The following ADAM7 variants were observed in gnomAD, a reference collection of about 807,000 sequenced individuals.
ADAM7 encodes the protein ADAM metallopeptidase domain 7.
Under a neutral mutation model 102.9 loss-of-function variants are expected in ADAM7, and 97 were observed. The observed-to-expected ratio is 0.94, with a 90% CI of 0.80 to 1.12. ADAM7 has a LOEUF of 1.12. Ranked by LOEUF, ADAM7 falls within the 50% of genes most tolerant of loss-of-function variation. The pLI, the probability that ADAM7 is intolerant of heterozygous loss-of-function variation, is 0.00. For synonymous variants in ADAM7, 334 were observed against 304.4 expected (o/e 1.10, Z -1.01); for missense variants, 991 against 908.7 (o/e 1.09, Z -1.16).
At chr8:24,452,524 T>C (rs1818838211) in intron 3 of ADAM7, among the ~76,000 whole-genome samples, 1 of 152,054 alleles carries the variant, frequency 6.6e-6, no homozygotes, top group African/African-American at 2.4e-5. Context: ...TCTATCCTTT[T>C]ATTTTGAGCC....
chr8:24,482,421 C>A (rs548148422), intron 9 of ADAM7, 110 bp downstream of exon 9: 208 of 1,062,812 alleles, frequency 2.0e-4, no homozygotes, highest in Non-Finnish European at 2.7e-4. Flanking sequence ...TTTTGGGTAG[C>A]ACACAGGGAC....
chr8:24,462,008 A>T (rs1284947952), intron 3 of ADAM7, among the ~76,000 whole-genome samples: 1 of 152,228 alleles, frequency 6.6e-6, no homozygotes, highest in Non-Finnish European at 1.5e-5. Context: ...TCTTGACGAT[A>T]GTTCAATGTT....
intron 20 of ADAM7, among the ~76,000 whole-genome samples, chr8:24,502,526 T>C (rs931830865): frequency 1.1e-4 from 16 of 151,992 alleles, no homozygotes; most frequent in African/African-American, 3.9e-4. Context: ...AGTTAGTACA[T>C]ATTATTAACA....
chr8:24,487,292 A>T lies in ADAM7; in HGVS notation c.1066A>T (p.Lys356Ter). 2 of 1,613,806 alleles carry T rather than the reference A, an allele frequency of 1.2e-6. No homozygotes were observed. Among genetic ancestry groups the T allele is most frequent in the Non-Finnish European group, 1.7e-6 (2 of 1,179,800 alleles). Reference sequence around the variant, plus strand: ...GTTCCCATGCACCTGTCCTTCAGGAAAATGCGTGATGGACAGTGATGGAAG... The same window carrying T: ...GTTCCCATGCACCTGTCCTTCAGGATAATGCGTGATGGACAGTGATGGAAG... Reference protein sequence around the residue: ...DEFPCTCPSGKCVMDSDGSIP... With the variant: ...DEFPCTCPSG The change falls in exon 11 of 22, where the codon AAA (lysine) becomes TAA (stop). Residue 356 changes from lysine (K) to a stop codon, truncating the protein, a stop_gained. Coordinates refer to ENST00000175238, the MANE Select transcript of ADAM7 (RefSeq NM_003817.4). LOFTEE classifies it high-confidence loss of function.
intron 8 of ADAM7, 135 bp from the exon 9 acceptor site, chr8:24,482,007 G>A: frequency 5.3e-6 from 3 of 568,892 alleles, no homozygotes; most frequent in Non-Finnish European, 8.7e-6. Flanking sequence ...TTTGCAACAT[G>A]AGGCTTGCAC....
At chr8:24,452,679 T>C (rs1427963840) in intron 3 of ADAM7, among the ~76,000 whole-genome samples, 3 of 150,844 alleles carry the variant, frequency 2.0e-5, no homozygotes, top group Admixed American at 1.3e-4. Flanking sequence ...ATGTGTGAAT[T>C]TGATCCTGTC....
At chr8:24,450,339 G>A (rs1311451358) in intron 3 of ADAM7, among the ~76,000 whole-genome samples, 1 of 152,126 alleles carries the variant, frequency 6.6e-6, no homozygotes. Flanking sequence ...GCAATAGTTT[G>A]TAGTTCTCCT....
chr8:24,506,188 G>C, intron 20 of ADAM7: 1 of 1,458,948 alleles, frequency 6.9e-7, no homozygotes, highest in Non-Finnish European at 9.3e-7. Flanking sequence ...CTTGGTGGTG[G>C]GCTATGTCCT....
intron 17 of ADAM7, among the ~76,000 whole-genome samples, chr8:24,499,797 TAC>T (rs35010933): frequency 0.25 from 37,176 of 148,020 alleles, 4,930 homozygotes; most frequent in Non-Finnish European, 0.3. Context: ...TATATAGTAA[TAC>T]ACACACACAC....
chr8:24,443,938 TA>T lies in ADAM7; in HGVS notation c.156+1367del, dbSNP rs869122591. Among the ~76,000 whole-genome samples the T allele has an allele frequency of 3.6e-3, 363 of 100,632 alleles. 1 individual carries two copies. Among genetic ancestry groups the T allele is most frequent in the African/African-American group, 0.015 (355 of 23,984 alleles). 66.0% of individuals were successfully genotyped at this position (100,632 alleles called of 152,430 possible). Reference sequence around the variant, plus strand: ...AACAGAGCAAGACTCTCTCAAAAAATAAAAATAAAATAAAATAAAATAAAAT... The same window carrying T: ...AACAGAGCAAGACTCTCTCAAAAAATAAAATAAAATAAAATAAAATAAAAT... On this transcript the variant is annotated intron_variant, in intron 2 of 21. Coordinates refer to ENST00000175238, the MANE Select transcript of ADAM7 (RefSeq NM_003817.4).
chr8:24,474,238 T>G (rs955942712), intron 7 of ADAM7, among the ~76,000 whole-genome samples: 2 of 152,170 alleles, frequency 1.3e-5, no homozygotes, highest in African/African-American at 4.8e-5. Flanking sequence ...AATTAGTAAG[T>G]TCTAAGCACT....
intron 8 of ADAM7, among the ~76,000 whole-genome samples, chr8:24,478,759 A>G (rs1363900749): frequency 2.0e-5 from 3 of 152,108 alleles, no homozygotes; most frequent in Non-Finnish European, 4.4e-5. Flanking sequence ...TTTTCTCTCC[A>G]ACAGTGGGTT....
chr8:24,490,962 AC>A, intron 13 of ADAM7, 74 bp downstream of exon 13: 1 of 1,464,150 alleles, frequency 6.8e-7, no homozygotes, highest in Non-Finnish European at 9.5e-7. Context: ...TTATCTAACC[AC>A]TGGACAGCCC....
chr8:24,468,442 C>T (rs531759240), intron 6 of ADAM7, among the ~76,000 whole-genome samples: 10 of 151,966 alleles, frequency 6.6e-5, no homozygotes, highest in African/African-American at 2.2e-4. Context: ...AGCAAACCAC[C>T]GTGGCACATG....
chr8:24,460,389 C>T (rs1349849579), intron 3 of ADAM7, among the ~76,000 whole-genome samples: 1 of 151,678 alleles, frequency 6.6e-6, no homozygotes, highest in African/African-American at 2.4e-5. Context: ...TGTTACCGTT[C>T]CTATTAACAT....
intron 16 of ADAM7, among the ~76,000 whole-genome samples, chr8:24,493,486 AC>A (rs34537912): frequency 0.43 from 65,836 of 151,792 alleles, 15,670 homozygotes; most frequent in African/African-American, 0.62. Flanking sequence ...ATCTAATTAG[AC>A]ATGGATTATA....
chr8:24,476,195 A>G (rs1263936779), intron 7 of ADAM7, among the ~76,000 whole-genome samples: 1 of 152,172 alleles, frequency 6.6e-6, no homozygotes, highest in African/African-American at 2.4e-5. Flanking sequence ...AAACAGAGTT[A>G]GAAAGAAAAG....
intron 5 of ADAM7, 92 bp downstream of exon 5, chr8:24,465,867 T>C (rs1236690780): frequency 2.2e-6 from 2 of 901,892 alleles, no homozygotes; most frequent in East Asian, 2.8e-5. Flanking sequence ...TCACTCCTGG[T>C]ATATAGAAAA....
chr8:24,455,182 A>G (rs1818984257), intron 3 of ADAM7, among the ~76,000 whole-genome samples: 1 of 152,176 alleles, frequency 6.6e-6, no homozygotes, highest in South Asian at 2.1e-4. Context: ...ATTGAAAAAA[A>G]TCCATATACC....
Sources: gnomAD v4.1 joint callset for allele counts (sites outside exome capture counted in the v4.1 genomes callset) on GRCh38, gnomAD v4.1.1 for gene constraint, MANE v1.5 for transcripts, NCBI Gene and HGNC (gene_info 2026-07-23, HGNC 2026-07-21) for gene names.